Variants in HOXD13 observed in about 807,000 individuals in gnomAD.
The protein encoded by HOXD13 is homeobox D13, also known as homeobox protein Hox-D13.
Under a neutral mutation model 27.3 loss-of-function variants are expected in HOXD13, and 16 were observed. The ratio of observed to expected loss-of-function variants is 0.59; its 90% CI spans 0.40 to 0.89. The LOEUF is 0.89. Ranked by LOEUF, HOXD13 falls within the 40% of genes least tolerant of loss-of-function variation. The probability of loss-of-function intolerance (pLI) is 0.00; values close to 1 mark genes in which losing one functional copy is unlikely to be tolerated. For missense variants in HOXD13, 481 were observed against 482.6 expected, an observed-to-expected ratio of 1.00 and a Z score of 0.03; for synonymous variants, 241 against 219.0, an observed-to-expected ratio of 1.10 and a Z score of -0.89.
Position 176,094,817 on chromosome 2 carries a change from C to A in HOXD13, c.*87C>A, listed in dbSNP as rs1399169711. On this transcript the variant is annotated 3_prime_UTR_variant, in exon 2 of 2. Transcript: ENST00000392539. Reference sequence around the variant, plus strand: ...GAAAGACTTGAATATGTATTTAATTCCCCCCACCCCCTGCCAATGGTGGCA... The same window carrying A: ...GAAAGACTTGAATATGTATTTAATTACCCCCACCCCCTGCCAATGGTGGCA... 7 of 1,194,000 alleles carry A rather than the reference C, an allele frequency of 5.9e-6. No homozygotes were observed. The highest frequency in any genetic ancestry group is 8.7e-6 in the Non-Finnish European group (7 of 805,344). The allele number at this position is 1,194,000 out of a possible 1,614,324, so 74.0% of individuals were successfully genotyped here.
upstream of HOXD13, among the ~76,000 whole-genome samples, chr2:176,088,169 T>C (rs1689269396): frequency 6.6e-6 from 1 of 152,268 alleles, no homozygotes; most frequent in East Asian, 1.9e-4. Flanking sequence ...CGCGAAAGCC[T>C]GGGCTTCGAG....
chr2:176,090,384 T>C (rs1373524815), upstream of HOXD13, among the ~76,000 whole-genome samples: 1 of 152,260 alleles, frequency 6.6e-6, no homozygotes, highest in Admixed American at 6.5e-5. Flanking sequence ...AGAGCCACCA[T>C]TGAGAAATCC....
At chr2:176,088,022 C>G (rs1353626916), upstream of HOXD13, among the ~76,000 whole-genome samples, 1 of 152,280 alleles carries the variant, frequency 6.6e-6, no homozygotes, top group Admixed American at 6.5e-5. Context: ...CGAAGCCCCG[C>G]GTCTGCCGCT....
upstream of HOXD13, among the ~76,000 whole-genome samples, chr2:176,092,247 A>G (rs1689330764): frequency 6.6e-6 from 1 of 152,234 alleles, no homozygotes; most frequent in African/African-American, 2.4e-5. Flanking sequence ...TGAGGGATTC[A>G]GCAACAGGAT....
upstream of HOXD13, among the ~76,000 whole-genome samples, chr2:176,090,748 G>C (rs1689307081): frequency 6.6e-6 from 1 of 152,160 alleles, no homozygotes; most frequent in South Asian, 2.1e-4. Flanking sequence ...AAGAAAAAAT[G>C]AGACAAAGGG....
At chr2:176,091,864 T>C (rs924709713), upstream of HOXD13, among the ~76,000 whole-genome samples, 2 of 151,804 alleles carry the variant, frequency 1.3e-5, no homozygotes, top group African/African-American at 4.8e-5. Flanking sequence ...GCTGAGTGGC[T>C]TTCTCCCCCG....
At chr2:176,089,952 G>A (rs937190015), upstream of HOXD13, among the ~76,000 whole-genome samples, 2 of 152,186 alleles carry the variant, frequency 1.3e-5, no homozygotes, top group Non-Finnish European at 2.9e-5. Context: ...TGTGTTCCTG[G>A]CCACCTAAAG....
At position 176,094,538 on chromosome 2, in the gene HOXD13, A is replaced by G; in HGVS notation, c.840A>G (p.Arg280=). 1 of 1,614,050 alleles carries G rather than the reference A, an allele frequency of 6.2e-7. No individual in the cohort carries two copies. The highest frequency in any genetic ancestry group is 8.5e-7 in the Non-Finnish European group (1 of 1,179,880). ...MCVYRRGRKK[R]VPYTKLQLKE... ...TCTACCGAAGAGGGAGGAAGAAGAG[A>G]GTGCCTTACACCAAACTGCAGCTTA... is the stretch of plus-strand genomic sequence containing the variant. Residue 280 remains arginine, a synonymous_variant, in exon 2 of 2, where the codon AGA becomes AGG. Transcript: ENST00000392539.
In HOXD13 at chr2:176,094,512, G is replaced by A. The variant is rs138630870; in HGVS notation, c.814G>A (p.Val272Ile). 102 of 1,613,960 alleles carry A rather than the reference G, an allele frequency of 6.3e-5. No homozygotes were observed. Among genetic ancestry groups the A allele is most frequent in the African/African-American group, 9.3e-5 (7 of 74,914 alleles). The change falls in exon 2 of 2, where the codon GTC becomes ATC. Residue 272 changes from valine (V) to isoleucine (I), a missense_variant. Physicochemically the swap from Val to Ile is conservative, Grantham distance 29. Transcript: ENST00000392539. ...GGCTCTAAATCAGCCGGACATGTGC[G>A]TCTACCGAAGAGGGAGGAAGAAGAG... ...DVALNQPDMC[V>I]YRRGRKKRVP...
chr2:176,094,779 C>T lies in HOXD13; in HGVS notation c.*49C>T, dbSNP rs199549554. 17 of 1,564,580 alleles carry T rather than the reference C, an allele frequency of 1.1e-5. No individual in the cohort carries two copies. In the Admixed American group the frequency reaches 1.2e-4, roughly 11 times the overall value. On this transcript the variant is annotated 3_prime_UTR_variant, in exon 2 of 2. Transcript: ENST00000392539. ...AGCTTAGAAGCCATTCGGTTGTCTC[C>T]AAAAGGCCTTTGGAAAGACTTGAAT... is the stretch of plus-strand genomic sequence containing the variant.
Position 176,094,974 on chromosome 2 carries a change from C to T in HOXD13, c.*244C>T, listed in dbSNP as rs1689391602. 3 of 521,546 alleles carry T rather than the reference C, an allele frequency of 5.8e-6. No homozygotes were observed. The highest frequency in any genetic ancestry group is 6.8e-5 in the Admixed American group (2 of 29,360). 32.3% of individuals were successfully genotyped at this position (521,546 alleles called of 1,614,324 possible). The stretch of plus-strand genomic sequence containing the variant: ...TTCTTGCCTAGGGTTTTTAAAATAT[C>T]TGTTTTTAATGTTTTGTTTCTCCCT... On this transcript the variant is annotated 3_prime_UTR_variant, in exon 2 of 2. Coordinates refer to ENST00000392539, the MANE Select transcript of HOXD13 (RefSeq NM_000523.4).
chr2:176,091,048 C>T (rs1373740596), upstream of HOXD13, among the ~76,000 whole-genome samples: 4 of 152,204 alleles, frequency 2.6e-5, no homozygotes, highest in Non-Finnish European at 4.4e-5. Context: ...AACGATGAAA[C>T]GAATTCTCTT....
At chr2:176,087,892 C>T (rs561626680), upstream of HOXD13, among the ~76,000 whole-genome samples, 5 of 152,376 alleles carry the variant, frequency 3.3e-5, no homozygotes, top group South Asian at 1.0e-3. Context: ...ATATTTGTTT[C>T]TTGAGCAGCA....
rs1242190994 is a variant in HOXD13 at position 176,092,903 on chromosome 2, G to A, written c.13G>A (p.Gly5Arg). The A allele has an allele frequency of 4.7e-6, 6 of 1,286,880 alleles. No homozygotes were observed. Among genetic ancestry groups the A allele is most frequent in the Non-Finnish European group, 5.9e-6 (6 of 1,021,306 alleles). The allele number at this position is 1,286,880 out of a possible 1,614,324, so 79.7% of individuals were successfully genotyped here. A position where few individuals can be genotyped will look rare whatever the true frequency, so the allele number is the denominator to read the frequency against. Residue 5 changes from glycine (G) to arginine (R), a missense_variant, in exon 1 of 2, where the codon GGG (glycine) becomes AGG (arginine). By Grantham distance (125) the Gly-to-Arg change is moderately radical. Transcript: ENST00000392539. MSRA[G>R]SWDMDGLRAD... ...GCCAGGCCGGGCCATGAGCCGCGCC[G>A]GGAGCTGGGACATGGACGGGCTGCG...
intron 1 of HOXD13, among the ~76,000 whole-genome samples, 194 bp downstream of exon 1, chr2:176,093,865 C>G (rs767977312): frequency 6.6e-6 from 1 of 152,320 alleles, no homozygotes. Flanking sequence ...TCAACTGCCT[C>G]CGTCACTGCC....
chr2:176,091,549 C>G (rs1369182755), upstream of HOXD13, among the ~76,000 whole-genome samples: 1 of 152,104 alleles, frequency 6.6e-6, no homozygotes, highest in Non-Finnish European at 1.5e-5. Flanking sequence ...ACCCTGGCAG[C>G]TTGGTTCCAG....
upstream of HOXD13, among the ~76,000 whole-genome samples, chr2:176,089,068 G>C (rs1203507823): frequency 6.6e-6 from 1 of 152,198 alleles, no homozygotes; most frequent in Non-Finnish European, 1.5e-5. Context: ...TGCTGCAAAC[G>C]ATTTTCATTT....
At chr2:176,088,668 A>G (rs899061384), upstream of HOXD13, among the ~76,000 whole-genome samples, 7 of 152,346 alleles carry the variant, frequency 4.6e-5, no homozygotes, top group South Asian at 8.3e-4. Context: ...GGAGATAGGT[A>G]GGTAGACAGA....
upstream of HOXD13, among the ~76,000 whole-genome samples, chr2:176,091,496 G>A (rs1689318809): frequency 6.6e-6 from 1 of 152,164 alleles, no homozygotes. Flanking sequence ...AGGCTGAGGA[G>A]CAACAGAAAG....
Sources: gnomAD v4.1 joint callset for allele counts (sites outside exome capture counted in the v4.1 genomes callset) on GRCh38, gnomAD v4.1.1 for gene constraint, MANE v1.5 for transcripts, NCBI Gene and HGNC (gene_info 2026-07-23, HGNC 2026-07-21) for gene names.